Variants in SLC16A12 observed in about 807,000 individuals in gnomAD.
The protein encoded by SLC16A12 is solute carrier family 16 member 12.
Under a neutral mutation model 42.4 loss-of-function variants are expected in SLC16A12, and 17 were observed. That is an observed-to-expected ratio of 0.40 (90% CI 0.27 to 0.60). The LOEUF (loss-of-function observed/expected upper bound fraction) is 0.60. Among genes scored for constraint, SLC16A12 ranks in the 20% least tolerant of loss-of-function variants. The pLI, the probability that SLC16A12 is intolerant of heterozygous loss-of-function variation, is 0.42. For missense variants in SLC16A12, 544 were observed against 623.0 expected (o/e 0.87, Z 1.35); for synonymous variants, 224 against 229.4 (o/e 0.98, Z 0.21).
At chr10:89,485,749 T>G (rs927772192) in intron 2 of SLC16A12, among the ~76,000 whole-genome samples, 5 of 152,074 alleles carry the variant, frequency 3.3e-5, no homozygotes, top group African/African-American at 1.2e-4. Flanking sequence ...CCAATAAGCA[T>G]AGTGTGTTTG....
chr10:89,514,564 G>C lies in SLC16A12; in HGVS notation c.-47+19937C>G, dbSNP rs56031647. Reference sequence around the variant, plus strand: ...GCCCTTCTCAGAGCATGTATGGGGAGAGACAGATTTTTCTCTCTTCCTGTT... The same window carrying C: ...GCCCTTCTCAGAGCATGTATGGGGACAGACAGATTTTTCTCTCTTCCTGTT... On this transcript the variant is annotated intron_variant, in intron 2 of 7. Transcript: ENST00000371790. Among the ~76,000 whole-genome samples the C allele has an allele frequency of 9.1e-3, 1,388 of 152,232 alleles. 21 individuals carry two copies. The highest frequency in any genetic ancestry group is 0.032 in the African/African-American group (1,322 of 41,534).
chr10:89,483,738 T>TAAAAAA (rs1253654983), intron 2 of SLC16A12, among the ~76,000 whole-genome samples: 1 of 62,314 alleles, frequency 1.6e-5, no homozygotes, highest in Admixed American at 1.9e-4. Context: ...ACGCTGCCTC[T>TAAAAAA]AAAAAAAAAA....
Position 89,438,866 on chromosome 10 carries a change from A to T in SLC16A12, c.766T>A (p.Ser256Thr). The T allele has an allele frequency of 6.2e-7, 1 of 1,614,184 alleles. No homozygotes were observed. Among genetic ancestry groups the T allele is most frequent in the Non-Finnish European group, 8.5e-7 (1 of 1,180,018 alleles). Residue 256 changes from serine to threonine, a missense_variant, in exon 6 of 8, where the codon TCA (serine) becomes ACA (threonine). Transcript: ENST00000371790. ...KEDIKRVSPY[S>T]SLTKEWAQTC... ...TGTGCCCATTCTTTGGTCAAAGATG[A>T]ATAGGGAGACACCCGCTTAATGTCT...
intron 2 of SLC16A12, among the ~76,000 whole-genome samples, chr10:89,540,929 T>C (rs1049144541): frequency 2.1e-5 from 3 of 143,718 alleles, no homozygotes; most frequent in African/African-American, 5.3e-5. Flanking sequence ...TTTTTTTCCC[T>C]TTTTTTTTTT....
At chr10:89,448,010 TA>T (rs201047762) in intron 3 of SLC16A12, among the ~76,000 whole-genome samples, 4,647 of 152,222 alleles carry the variant, frequency 0.031, 240 homozygotes, top group African/African-American at 0.1. Context: ...CTAGAAAATC[TA>T]GAAGAAATGG....
intron 2 of SLC16A12, among the ~76,000 whole-genome samples, chr10:89,482,653 G>A (rs535458731): frequency 1.5e-4 from 23 of 152,012 alleles, no homozygotes; most frequent in South Asian, 6.3e-4. Context: ...GCACAGTGGC[G>A]TGGGCCTGTA....
chr10:89,432,949 T>C lies in SLC16A12; in HGVS notation c.*115A>G, dbSNP rs1028739430. On this transcript the variant is annotated 3_prime_UTR_variant, in exon 8 of 8. Transcript: ENST00000371790. ...TATTAATATGTTAACAAAACAATAA[T>C]AATAATTTCCTTGGAAGGCAATCCT... is the stretch of plus-strand genomic sequence containing the variant. 2.3e-5 allele frequency: 31 copies of C among 1,363,366 alleles called. No individual in the cohort carries two copies. Among genetic ancestry groups the C allele is most frequent in the Non-Finnish European group, 2.7e-5 (27 of 1,004,546 alleles). 84.5% of individuals were successfully genotyped at this position (1,363,366 alleles called of 1,614,324 possible).
intron 2 of SLC16A12, among the ~76,000 whole-genome samples, chr10:89,468,747 A>G (rs1311259618): frequency 1.3e-5 from 2 of 152,190 alleles, no homozygotes; most frequent in African/African-American, 2.4e-5. Context: ...GCAGTCTGCA[A>G]TTCTCCCACA....
intron 2 of SLC16A12, among the ~76,000 whole-genome samples, chr10:89,555,083 T>C (rs1348751273): frequency 1.3e-5 from 2 of 152,254 alleles, no homozygotes; most frequent in East Asian, 1.9e-4. Flanking sequence ...CAGTAAATAT[T>C]TGTAGAATGA....
intron 2 of SLC16A12, among the ~76,000 whole-genome samples, chr10:89,476,633 G>A (rs919528305): frequency 6.6e-6 from 1 of 152,198 alleles, no homozygotes; most frequent in Non-Finnish European, 1.5e-5. Context: ...ATGGGGAAAT[G>A]GTACACGGAG....
intron 2 of SLC16A12, among the ~76,000 whole-genome samples, chr10:89,469,720 G>C (rs931683891): frequency 2.0e-5 from 3 of 152,180 alleles, no homozygotes; most frequent in Non-Finnish European, 4.4e-5. Flanking sequence ...GAGTCCCAGT[G>C]ACCCTGTATG....
rs182831284 is a variant in SLC16A12, at chr10:89,530,240, C to T, written c.-47+4261G>A. On this transcript the variant is annotated intron_variant, in intron 2 of 7. Transcript: ENST00000371790. ...TGCAAAATCATTCTAGAAATTTTTA[C>T]TGTACTCTTCAAATCTCTTATCACT... Among the ~76,000 whole-genome samples the T allele has an allele frequency of 2.2e-3, 330 of 152,248 alleles. 4 individuals carry two copies. The highest frequency in any genetic ancestry group is 7.4e-3 in the African/African-American group (309 of 41,540).
chr10:89,548,762 G>A (rs761113392), intron 2 of SLC16A12, among the ~76,000 whole-genome samples: 2 of 152,204 alleles, frequency 1.3e-5, no homozygotes, highest in Admixed American at 1.3e-4. Flanking sequence ...GTTGCAATGA[G>A]CTGAGATCGC....
Position 89,436,317 on chromosome 10 carries a change from C to T in SLC16A12, c.1031G>A (p.Cys344Tyr). Reference protein sequence around the residue: ...ITFGWLTDRRCLKNYQYVCYL... With the variant: ...ITFGWLTDRRYLKNYQYVCYL... The stretch of plus-strand genomic sequence containing the variant: ...GCAAACATACTGGTAATTCTTCAGA[C>T]ACCTGTAGATTTGAAGAACAAGAAT... Residue 344 changes from cysteine (C) to tyrosine (Y), a missense_variant and splice_region_variant, in exon 7 of 8, where the codon TGT becomes TAT. Cys to Tyr is a radical substitution (Grantham distance 194). Transcript: ENST00000371790. The T allele has an allele frequency of 6.2e-7, 1 of 1,614,088 alleles. No individual in the cohort carries two copies. Among genetic ancestry groups the T allele is most frequent in the Non-Finnish European group, 8.5e-7 (1 of 1,179,954 alleles).
chr10:89,492,912 A>C (rs967011257), intron 2 of SLC16A12, among the ~76,000 whole-genome samples: 4 of 152,008 alleles, frequency 2.6e-5, no homozygotes, highest in Admixed American at 2.6e-4. Flanking sequence ...CCTCCTGGGG[A>C]GGCCTGGCCA....
intron 3 of SLC16A12, among the ~76,000 whole-genome samples, chr10:89,448,803 G>A (rs2133709534): frequency 6.6e-6 from 1 of 152,326 alleles, no homozygotes; most frequent in South Asian, 2.1e-4. Flanking sequence ...ATTAGGAAAA[G>A]AGGAAGTCAA....
intron 2 of SLC16A12, among the ~76,000 whole-genome samples, chr10:89,500,074 TACA>T (rs573117018): frequency 5.0e-4 from 76 of 152,196 alleles, no homozygotes; most frequent in African/African-American, 1.7e-3. Context: ...CCTGGAAAGA[TACA>T]ACCTCCTAGC....
At chr10:89,513,734 G>T (rs145235946) in intron 2 of SLC16A12, among the ~76,000 whole-genome samples, 2 of 152,284 alleles carry the variant, frequency 1.3e-5, no homozygotes, top group Admixed American at 6.5e-5. Context: ...CAAGGGACTA[G>T]TCAGACCAGT....
chr10:89,544,625 G>A (rs983553808), intron 2 of SLC16A12, among the ~76,000 whole-genome samples: 1 of 152,152 alleles, frequency 6.6e-6, no homozygotes, highest in African/African-American at 2.4e-5. Context: ...TTGGAGAGAA[G>A]GTTGTGAGGA....
Sources: gnomAD v4.1 joint callset for allele counts (sites outside exome capture counted in the v4.1 genomes callset) on GRCh38, gnomAD v4.1.1 for gene constraint, MANE v1.5 for transcripts, NCBI Gene and HGNC (gene_info 2026-07-23, HGNC 2026-07-21) for gene names.